The following EWSR1 variants were observed in gnomAD, a reference collection of about 807,000 sequenced individuals.
The protein encoded by EWSR1 is RNA-binding protein EWS.
In EWSR1, 14 loss-of-function variants were observed where a neutral mutation model predicts 92.1. The ratio of observed to expected loss-of-function variants is 0.15; its 90% CI spans 0.10 to 0.24. The LOEUF (loss-of-function observed/expected upper bound fraction) is 0.24. Among genes scored for constraint, EWSR1 ranks in the 10% least tolerant of loss-of-function variants. The pLI is 1.00. For missense variants in EWSR1, 637 were observed against 870.9 expected (o/e 0.73, Z 3.38); for synonymous variants, 303 against 292.9 (o/e 1.03, Z -0.35).
At chr22:29,296,175 C>G in intron 11 of EWSR1, 64 bp from the exon 12 acceptor site, 2 of 1,524,462 alleles carry the variant, frequency 1.3e-6, no homozygotes, top group Non-Finnish European at 8.9e-7. Flanking sequence ...TGGATTTTGC[C>G]TGGACTTTTT....
At chr22:29,275,695 AT>A (rs1316541681) in intron 4 of EWSR1, 1 of 229,514 alleles carries the variant, frequency 4.4e-6, no homozygotes. Context: ...TCGGATAGTC[AT>A]TGGAGGGAAT....
intron 5 of EWSR1, 90 bp downstream of exon 5, chr22:29,278,306 C>T (rs997922091): frequency 2.3e-6 from 3 of 1,296,070 alleles, no homozygotes; most frequent in Non-Finnish European, 3.2e-6. Context: ...GGTTTAGTTC[C>T]TTATTAGTGG....
intron 7 of EWSR1, among the ~76,000 whole-genome samples, chr22:29,287,345 T>A (rs553765969): frequency 1.2e-3 from 188 of 152,282 alleles, no homozygotes; most frequent in African/African-American, 4.2e-3. Context: ...GTAGCTGAGA[T>A]GATAGGCGCC....
At chr22:29,273,910 A>G (rs1309527382) in intron 4 of EWSR1, 46 bp downstream of exon 4, 1 of 1,608,318 alleles carries the variant, frequency 6.2e-7, no homozygotes, top group African/African-American at 1.3e-5. Flanking sequence ...TGGCTAGGGC[A>G]TTGGCTAAGA....
At chr22:29,274,241 C>T in intron 4 of EWSR1, 2 of 1,613,530 alleles carry the variant, frequency 1.2e-6, no homozygotes, top group Non-Finnish European at 1.7e-6. Context: ...GTACCCTCTA[C>T]TTTTTGTTTT....
chr22:29,295,216 A>G (rs1297983166), intron 11 of EWSR1, among the ~76,000 whole-genome samples: 1 of 152,110 alleles, frequency 6.6e-6, no homozygotes, highest in Non-Finnish European at 1.5e-5. Flanking sequence ...CATATTAAAA[A>G]GACTGCTTTT....
intron 4 of EWSR1, among the ~76,000 whole-genome samples, chr22:29,274,865 A>T (rs2058977239): frequency 6.6e-6 from 1 of 152,210 alleles, no homozygotes. Flanking sequence ...AGTGCTGTGT[A>T]ATGTTTCAGG....
At chr22:29,278,783 C>T (rs2147042471) in intron 5 of EWSR1, among the ~76,000 whole-genome samples, 1 of 151,588 alleles carries the variant, frequency 6.6e-6, no homozygotes, top group South Asian at 2.1e-4. Flanking sequence ...TGAGATCGCT[C>T]CACTGCACTC....
rs767753420 is a variant in EWSR1 at position 29,282,590 on chromosome 22, G to T, written c.581+33G>T. ...TACTTTTTGTGGCAAAACAAAAACA[G>T]TGACAAAACAGTTTTTTTCAGGTTG... On this transcript the variant is annotated intron_variant, in intron 6 of 16. Coordinates refer to ENST00000397938, the MANE Select transcript of EWSR1 (RefSeq NM_005243.4). 9 of 1,488,544 alleles carry T rather than the reference G, an allele frequency of 6.0e-6. No homozygotes were observed. In the East Asian group the frequency reaches 1.5e-4, roughly 26 times the overall value. 92.2% of individuals were successfully genotyped at this position (1,488,544 alleles called of 1,614,324 possible).
In EWSR1 at chr22:29,299,321, T is replaced by C. The variant is rs369377914; in HGVS notation, c.1668T>C (p.Phe556=). The change falls in exon 15 of 17, where the codon TTT becomes TTC. Residue 556 remains phenylalanine (F), a synonymous_variant. Transcript: ENST00000397938. ...PKPEGFLPPP[F]PPPGGDRGRG... ...CTGAAGGCTTCCTCCCGCCACCCTT[T>C]CCGCCCCCGGGTAGGTGCAGGTTTC... 141 of 1,613,662 alleles carry C rather than the reference T, an allele frequency of 8.7e-5. No individual in the cohort carries two copies. In the African/African-American group the frequency reaches 1.5e-3, roughly 18 times the overall value.
At chr22:29,283,085 A>G (rs2059741373) in intron 6 of EWSR1, among the ~76,000 whole-genome samples, 1 of 152,166 alleles carries the variant, frequency 6.6e-6, no homozygotes, top group Admixed American at 6.5e-5. Context: ...TTCTTTCTAA[A>G]TACAAAAACA....
chr22:29,276,076 CCTAA>C (rs2059096864), intron 4 of EWSR1: 1 of 231,474 alleles, frequency 4.3e-6, no homozygotes, highest in Non-Finnish European at 8.5e-6. Flanking sequence ...ATGACAAGGC[CCTAA>C]CTGTTGCTGC....
intron 5 of EWSR1, among the ~76,000 whole-genome samples, chr22:29,280,862 GTTTTTTTTTTTTTTTT>G (rs71196650): frequency 1.3e-3 from 79 of 62,896 alleles, no homozygotes; most frequent in Admixed American, 2.5e-3. Flanking sequence ...TGTGTGTGTT[GTTTTTTTTTTTTTTTT>G]TTTTTTTTTT....
rs892472472 is a variant in EWSR1, at chr22:29,268,735, C to CG, written c.13+392dup. Among the ~76,000 whole-genome samples the CG allele has an allele frequency of 1.1e-4, 17 of 152,358 alleles. No individual in the cohort carries two copies. The South Asian group carries it at 2.5e-3, about 22-fold the overall frequency. On this transcript the variant is annotated intron_variant, in intron 1 of 16. Transcript: ENST00000397938. ...CTCAAGCCGGTCACTATGAAACCGC[C>CG]GGGGGGCCCGCAGGCTGCTGTCCCT...
intron 4 of EWSR1, among the ~76,000 whole-genome samples, chr22:29,275,412 A>C (rs1314218386): frequency 6.6e-6 from 1 of 152,182 alleles, no homozygotes; most frequent in East Asian, 1.9e-4. Context: ...CCTAAAAAGT[A>C]CAGGTCATTC....
intron 5 of EWSR1, among the ~76,000 whole-genome samples, chr22:29,279,646 C>T (rs1435152114): frequency 1.3e-5 from 2 of 152,220 alleles, no homozygotes; most frequent in African/African-American, 4.8e-5. Context: ...AGGAAATCAA[C>T]TTCTAACCTA....
At position 29,298,909 on chromosome 22, in the gene EWSR1, T is replaced by G. The variant is rs146984206; in HGVS notation, c.1580+14T>G. 1.2e-5 allele frequency: 19 copies of G among 1,530,284 alleles called. No individual in the cohort carries two copies. The East Asian group carries it at 3.8e-4, about 31-fold the overall frequency. The allele number at this position is 1,530,284 out of a possible 1,614,324, so 94.8% of individuals were successfully genotyped here. On this transcript the variant is annotated intron_variant, in intron 14 of 16. Coordinates refer to ENST00000397938, the MANE Select transcript of EWSR1 (RefSeq NM_005243.4). ...GTGTCCCAATCCGTATGTACTTGTCTTGGCAAATTGATACCCTACGAGTGA... is the reference window on the plus strand; with the variant it reads ...GTGTCCCAATCCGTATGTACTTGTCGTGGCAAATTGATACCCTACGAGTGA...
intron 4 of EWSR1, chr22:29,276,697 A>G: frequency 4.3e-6 from 1 of 230,420 alleles, no homozygotes; most frequent in Non-Finnish European, 8.6e-6. Flanking sequence ...TTTTTAAGAT[A>G]GGGTCTCTGT....
At chr22:29,298,684 T>C (rs748820458) in intron 13 of EWSR1, 49 bp from the exon 14 acceptor site, 3 of 1,606,220 alleles carry the variant, frequency 1.9e-6, no homozygotes, top group South Asian at 2.2e-5. Flanking sequence ...TATAGCAAAT[T>C]TGGTGCTACA....
Sources: allele counts gnomAD v4.1 joint callset (sites outside exome capture counted in the v4.1 genomes callset), GRCh38; gene constraint gnomAD v4.1.1; transcripts MANE v1.5; gene names NCBI Gene and HGNC (gene_info 2026-07-23, HGNC 2026-07-21).